Variants in KMT5A observed in about 807,000 individuals in gnomAD.
KMT5A encodes the protein lysine methyltransferase 5A, also known as N-lysine methyltransferase KMT5A.
In KMT5A, 6 loss-of-function variants were observed where a neutral mutation model predicts 40.6. The observed-to-expected ratio is 0.15, with a 90% CI of 0.08 to 0.29. The LOEUF (loss-of-function observed/expected upper bound fraction) is 0.29. Among genes scored for constraint, KMT5A ranks in the 10% least tolerant of loss-of-function variants. The probability of loss-of-function intolerance (pLI) is 1.00; values close to 1 mark genes in which losing one functional copy is unlikely to be tolerated. For synonymous variants in KMT5A, 153 were observed against 178.8 expected, an observed-to-expected ratio of 0.86 and a Z score of 1.15; for missense variants, 308 against 459.1, an observed-to-expected ratio of 0.67 and a Z score of 3.01.
intron 5 of KMT5A, among the ~76,000 whole-genome samples, chr12:123,399,609 G>A (rs1257785263): frequency 6.6e-6 from 1 of 152,224 alleles, no homozygotes; most frequent in Non-Finnish European, 1.5e-5. Context: ...TGATGGTGGT[G>A]GTGTTGCTTT....
intron 7 of KMT5A, among the ~76,000 whole-genome samples, chr12:123,405,543 T>G (rs1191672935): frequency 3.5e-4 from 23 of 65,084 alleles, no homozygotes; most frequent in Non-Finnish European, 5.5e-4. Flanking sequence ...TTTTTTTTTT[T>G]GAATCTCGAT....
At chr12:123,404,257 G>A (rs938847106) in intron 6 of KMT5A, among the ~76,000 whole-genome samples, 1 of 152,120 alleles carries the variant, frequency 6.6e-6, no homozygotes, top group Non-Finnish European at 1.5e-5. Context: ...CTCTACAGTG[G>A]GGTTCAGATG....
intron 2 of KMT5A, chr12:123,390,102 C>T: frequency 2.1e-6 from 1 of 469,134 alleles, no homozygotes; most frequent in Non-Finnish European, 4.4e-6. Flanking sequence ...TGAGAGAAGT[C>T]CTCCCGTCGC....
At chr12:123,406,283 A>G (rs1159722080) in intron 7 of KMT5A, among the ~76,000 whole-genome samples, 1 of 152,204 alleles carries the variant, frequency 6.6e-6, no homozygotes, top group Non-Finnish European at 1.5e-5. Context: ...TTGCCTGGCT[A>G]GGACCAGTGG....
At chr12:123,385,058 G>T (rs1361002757) in intron 1 of KMT5A, among the ~76,000 whole-genome samples, 4 of 152,050 alleles carry the variant, frequency 2.6e-5, no homozygotes, top group Non-Finnish European at 4.4e-5. Context: ...AAAAGTTTTG[G>T]TATTATATTT....
chr12:123,390,903 G>T (rs1486869450), intron 3 of KMT5A, 117 bp downstream of exon 3: 1 of 1,262,372 alleles, frequency 7.9e-7, no homozygotes, highest in Admixed American at 2.4e-5. Flanking sequence ...GATTCGAGAG[G>T]TTTGAGCCAT....
intron 4 of KMT5A, 131 bp from the exon 5 acceptor site, chr12:123,396,214 T>G (rs1877708463): frequency 1.3e-6 from 1 of 774,796 alleles, no homozygotes; most frequent in Non-Finnish European, 2.1e-6. Flanking sequence ...CAGGCTCCAG[T>G]GGACAAAGGT....
chr12:123,408,148 G>A lies in KMT5A; in HGVS notation c.*445G>A, dbSNP rs755630480. ...GACGCTGCCTCCCAATGGCCTGGAC[G>A]GGATGTTTCCAAGCTCTTGTTCCCC... On this transcript the variant is annotated 3_prime_UTR_variant, in exon 8 of 8. Transcript: ENST00000402868. The A allele has an allele frequency of 2.3e-5, 4 of 170,520 alleles. No individual in the cohort carries two copies. Among genetic ancestry groups the A allele is most frequent in the South Asian group, 1.4e-4 (1 of 7,214 alleles). The allele number at this position is 170,520 out of a possible 1,614,324, so 10.6% of individuals were successfully genotyped here. A position where few individuals can be genotyped will look rare whatever the true frequency, so the allele number is the denominator to read the frequency against.
chr12:123,386,676 A>T (rs933892116), intron 1 of KMT5A, among the ~76,000 whole-genome samples: 2 of 152,104 alleles, frequency 1.3e-5, no homozygotes, highest in Non-Finnish European at 2.9e-5. Flanking sequence ...CTCATTTTGA[A>T]GTTTTATAAT....
intron 3 of KMT5A, among the ~76,000 whole-genome samples, chr12:123,393,662 C>A (rs1265108682): frequency 1.3e-5 from 2 of 152,126 alleles, no homozygotes; most frequent in Admixed American, 6.6e-5. Flanking sequence ...GCCTCAGCCT[C>A]CCAAATAGCT....
At chr12:123,385,531 A>G (rs1158808768) in intron 1 of KMT5A, among the ~76,000 whole-genome samples, 2 of 152,170 alleles carry the variant, frequency 1.3e-5, no homozygotes, top group Non-Finnish European at 2.9e-5. Context: ...CTAACCATCT[A>G]TCATTGAAAT....
chr12:123,396,890 A>T (rs1877770062), intron 5 of KMT5A, among the ~76,000 whole-genome samples: 1 of 152,268 alleles, frequency 6.6e-6, no homozygotes, highest in African/African-American at 2.4e-5. Context: ...TGGGCCAGTC[A>T]CTTACCCTGT....
intron 7 of KMT5A, among the ~76,000 whole-genome samples, chr12:123,405,343 G>C (rs1037739750): frequency 2.7e-5 from 4 of 150,142 alleles, no homozygotes; most frequent in Non-Finnish European, 5.9e-5. Flanking sequence ...TTTTTTTTCT[G>C]TATTTTTAGT....
chr12:123,403,204 A>G (rs578015535), intron 5 of KMT5A, among the ~76,000 whole-genome samples: 3 of 152,136 alleles, frequency 2.0e-5, no homozygotes, highest in South Asian at 2.1e-4. Flanking sequence ...CGCCTGGCCC[A>G]CTGTACCTGA....
chr12:123,394,951 C>A, intron 3 of KMT5A, 96 bp from the exon 4 acceptor site: 1 of 1,168,862 alleles, frequency 8.6e-7, no homozygotes, highest in Non-Finnish European at 1.2e-6. Context: ...ACCCAGGATC[C>A]TGTCTTCTCA....
At chr12:123,394,336 C>T (rs1184363336) in intron 3 of KMT5A, among the ~76,000 whole-genome samples, 1 of 152,146 alleles carries the variant, frequency 6.6e-6, no homozygotes, top group African/African-American at 2.4e-5. Context: ...CTCCCGACCT[C>T]AGGTGATCCG....
In KMT5A at chr12:123,408,264, G is replaced by T. The variant is rs1242683294; in HGVS notation, c.*561G>T. ...AGTCTTCCCCTCTGCTTTCTCGAAA[G>T]CTTACTGAGCCCCGGGCCCCAAGCA... On this transcript the variant is annotated 3_prime_UTR_variant, in exon 8 of 8. Coordinates refer to ENST00000402868, the MANE Select transcript of KMT5A (RefSeq NM_020382.7). 2 of 152,778 alleles carry T rather than the reference G, an allele frequency of 1.3e-5. No individual in the cohort carries two copies. Among genetic ancestry groups the T allele is most frequent in the East Asian group, 3.9e-4 (2 of 5,194 alleles). The allele number at this position is 152,778 out of a possible 1,614,324, so 9.5% of individuals were successfully genotyped here. A position where few individuals can be genotyped will look rare whatever the true frequency, so the allele number is the denominator to read the frequency against.
At chr12:123,399,547 ACT>A (rs1478945473) in intron 5 of KMT5A, among the ~76,000 whole-genome samples, 2 of 151,912 alleles carry the variant, frequency 1.3e-5, no homozygotes, top group South Asian at 2.1e-4. Flanking sequence ...ACTTCTCAGC[ACT>A]CTCTGCACAC....
chr12:123,399,096 G>A (rs1877958707), intron 5 of KMT5A, among the ~76,000 whole-genome samples: 1 of 152,246 alleles, frequency 6.6e-6, no homozygotes, highest in South Asian at 2.1e-4. Context: ...CAGCCTGGCT[G>A]TGGGTGGGGT....
Sources: allele counts gnomAD v4.1 joint callset (sites outside exome capture counted in the v4.1 genomes callset), GRCh38; gene constraint gnomAD v4.1.1; transcripts MANE v1.5; gene names NCBI Gene and HGNC (gene_info 2026-07-23, HGNC 2026-07-21).